Variants in CAPN8 observed in about 807,000 individuals in gnomAD.
CAPN8 encodes the protein calpain 8.
CAPN8 carries 87 observed loss-of-function variants against 80.9 expected under a neutral mutation model. That is an observed-to-expected ratio of 1.07 (90% CI 0.90 to 1.28). The LOEUF is 1.28. CAPN8 is among the 50% of genes most tolerant of loss of function. The pLI, the probability that CAPN8 is intolerant of heterozygous loss-of-function variation, is 0.00. For missense variants in CAPN8, 757 were observed against 702.0 expected (o/e 1.08, Z -0.89); for synonymous variants, 299 against 273.8 (o/e 1.09, Z -0.91).
chr1:223,557,327 C>T (rs36183419), intron 13 of CAPN8, among the ~76,000 whole-genome samples: 101,076 of 151,642 alleles, frequency 0.67, 34,017 homozygotes, highest in Non-Finnish European at 0.72. Flanking sequence ...GCCGAAGATG[C>T]CACGCCCAGC....
At chr1:223,631,253 C>A (rs1434620422) in intron 2 of CAPN8, among the ~76,000 whole-genome samples, 3 of 152,178 alleles carry the variant, frequency 2.0e-5, no homozygotes, top group African/African-American at 7.2e-5. Flanking sequence ...CAGAAGTCAC[C>A]GCTTTTTTGG....
In CAPN8 at chr1:223,654,389, GGACA is replaced by G. The variant is rs1558357355; in HGVS notation, c.244_247del (p.Cys82ProfsTer20). 6.4e-7 allele frequency: 1 copy of G among 1,551,630 alleles called. No individual in the cohort carries two copies. Among genetic ancestry groups the G allele is most frequent in the Non-Finnish European group, 8.7e-7 (1 of 1,146,972 alleles). The stretch of plus-strand genomic sequence containing the variant: ...TCCACCAACGATAAACTGAGGGCTG[GGACA>G]CAACTCCTGAAAGTAATTTGGAACA... On this transcript the variant is annotated frameshift_variant, in exon 2 of 21. Coordinates refer to ENST00000366872, the MANE Select transcript of CAPN8 (RefSeq NM_001143962.2). LOFTEE classifies it high-confidence loss of function.
At chr1:223,657,838 A>C (rs1658540344) in intron 1 of CAPN8, among the ~76,000 whole-genome samples, 2 of 152,142 alleles carry the variant, frequency 1.3e-5, no homozygotes, top group Admixed American at 1.3e-4. Flanking sequence ...CTGAAATCTG[A>C]CTTCTACATC....
chr1:223,611,105 G>A (rs1657019636), intron 11 of CAPN8, among the ~76,000 whole-genome samples: 1 of 152,200 alleles, frequency 6.6e-6, no homozygotes, highest in Non-Finnish European at 1.5e-5. Context: ...GCTCCATTGT[G>A]TGTGCACGTC....
intron 5 of CAPN8, 66 bp from the exon 6 acceptor site, chr1:223,625,954 T>C (rs2102711826): frequency 3.8e-6 from 5 of 1,332,700 alleles, no homozygotes; most frequent in Admixed American, 4.0e-5. Context: ...CGTAGAATGC[T>C]TTCCAAGGAC....
chr1:223,632,233 C>A (rs911946830), intron 2 of CAPN8, among the ~76,000 whole-genome samples: 1 of 152,150 alleles, frequency 6.6e-6, no homozygotes, highest in African/African-American at 2.4e-5. Context: ...GACGAGAATG[C>A]GTTTTCAAAG....
At chr1:223,610,647 G>A (rs1206061668) in intron 11 of CAPN8, among the ~76,000 whole-genome samples, 1 of 152,142 alleles carries the variant, frequency 6.6e-6, no homozygotes, top group Non-Finnish European at 1.5e-5. Flanking sequence ...GGTGGAGCAG[G>A]TTAGAGAAGT....
chr1:223,628,035 A>C lies in CAPN8; in HGVS notation c.534T>G (p.Ser178Arg). Residue 178 changes from serine to arginine, a missense_variant, in exon 4 of 21, where the codon AGT becomes AGG. Ser to Arg is a moderately radical substitution (Grantham distance 110). Coordinates refer to ENST00000366872, the MANE Select transcript of CAPN8 (RefSeq NM_001143962.2). ...LHSEQGNEFWSALLEKAYAKL... is the reference protein window; with the variant it reads ...LHSEQGNEFWRALLEKAYAKL... ...TGGCATAGGCTTTCTCCAGCAGGGC[A>C]CTCCAGAATTCATTGCCTTGTTCCG... 2 of 1,546,234 alleles carry C rather than the reference A, an allele frequency of 1.3e-6. No homozygotes were observed. The highest frequency in any genetic ancestry group is 1.2e-5 in the South Asian group (1 of 83,624).
At chr1:223,554,454 T>C (rs1656862250) in intron 13 of CAPN8, among the ~76,000 whole-genome samples, 1 of 152,022 alleles carries the variant, frequency 6.6e-6, no homozygotes, top group African/African-American at 2.4e-5. Flanking sequence ...ACCCCATTTC[T>C]ACAAAAAATA....
intron 2 of CAPN8, among the ~76,000 whole-genome samples, chr1:223,635,024 A>C (rs1657877418): frequency 1.3e-5 from 2 of 152,252 alleles, no homozygotes; most frequent in African/African-American, 2.4e-5. Context: ...CTCCTCAGCA[A>C]GCTGAGAATA....
chr1:223,541,769 T>C lies in CAPN8; in HGVS notation c.*67A>G. The C allele has an allele frequency of 6.4e-7, 1 of 1,551,022 alleles. No homozygotes were observed. On this transcript the variant is annotated 3_prime_UTR_variant, in exon 21 of 21. Coordinates refer to ENST00000366872, the MANE Select transcript of CAPN8 (RefSeq NM_001143962.2). ...ACTGGAGCATAAATGTTCACAAAAT[T>C]GTAGAGAAGGGGTGACAAGAAGCAA... is the stretch of plus-strand genomic sequence containing the variant.
Position 223,541,725 on chromosome 1 carries a change from T to C in CAPN8, c.*111A>G. The C allele has an allele frequency of 1.3e-6, 2 of 1,520,246 alleles. No individual in the cohort carries two copies. Among genetic ancestry groups the C allele is most frequent in the South Asian group, 2.4e-5 (2 of 83,368 alleles). 94.2% of individuals were successfully genotyped at this position (1,520,246 alleles called of 1,614,324 possible). A position where few individuals can be genotyped will look rare whatever the true frequency, so the allele number is the denominator to read the frequency against. On this transcript the variant is annotated 3_prime_UTR_variant, in exon 21 of 21. Coordinates refer to ENST00000366872, the MANE Select transcript of CAPN8 (RefSeq NM_001143962.2). ...AAATAGACCCAGGGCAAGAAAGGTA[T>C]GAACAACCAGTGAATGCCACTGGAG...
At chr1:223,643,888 C>T (rs1039872825) in intron 2 of CAPN8, among the ~76,000 whole-genome samples, 1 of 152,120 alleles carries the variant, frequency 6.6e-6, no homozygotes, top group African/African-American at 2.4e-5. Context: ...GTCTGTCCAG[C>T]GCGTACAGTA....
chr1:223,625,517 G>C (rs1276728880), intron 6 of CAPN8, among the ~76,000 whole-genome samples: 2 of 152,022 alleles, frequency 1.3e-5, no homozygotes, highest in Non-Finnish European at 2.9e-5. Flanking sequence ...GAATGGTCTT[G>C]AACTCCTGGC....
At chr1:223,637,267 C>T (rs1558350751) in intron 2 of CAPN8, among the ~76,000 whole-genome samples, 1 of 152,176 alleles carries the variant, frequency 6.6e-6, no homozygotes, top group African/African-American at 2.4e-5. Flanking sequence ...GTCTCCAGTG[C>T]CCCCATCCTG....
chr1:223,616,354 G>A (rs952274106), intron 9 of CAPN8, among the ~76,000 whole-genome samples: 30 of 152,138 alleles, frequency 2.0e-4, no homozygotes, highest in Admixed American at 1.8e-3. Context: ...CAGACATATG[G>A]CATCGCATTT....
At chr1:223,629,970 C>T (rs925318719) in intron 2 of CAPN8, among the ~76,000 whole-genome samples, 2 of 152,174 alleles carry the variant, frequency 1.3e-5, no homozygotes, top group Non-Finnish European at 2.9e-5. Flanking sequence ...CTTTTAGAGA[C>T]CATCTGTGGA....
chr1:223,629,232 T>TGTGTGTGTGTGTGTGTGTGTATG (rs68132305), intron 2 of CAPN8, among the ~76,000 whole-genome samples: 3 of 132,528 alleles, frequency 2.3e-5, no homozygotes, highest in Admixed American at 2.2e-4. Flanking sequence ...GTGTGTGTGT[T>TGTGTGTGTGTGTGTGTGTGTATG]TATGTTCCTT....
In CAPN8 at chr1:223,544,156, T is replaced by C; in HGVS notation, c.1940A>G (p.Gln647Arg). 1.4e-6 allele frequency: 1 copy of C among 718,270 alleles called. No homozygotes were observed. The allele number at this position is 718,270 out of a possible 1,614,324, so 44.5% of individuals were successfully genotyped here. Residue 647 changes from glutamine to arginine, a missense_variant, in exon 19 of 21, where the codon CAG (glutamine) becomes CGG (arginine). By Grantham distance (43) the Gln-to-Arg change is conservative. Transcript: ENST00000366872. ...AGFTLNSQVQ[Q>R]TIALRYACSK... ...GCACGCATACCGCAGGGCAATGGTCTGCTGCACCTGGCTGTTGAGGGTGAA... is the reference window on the plus strand; with the variant it reads ...GCACGCATACCGCAGGGCAATGGTCCGCTGCACCTGGCTGTTGAGGGTGAA...
Sources: allele counts gnomAD v4.1 joint callset (sites outside exome capture counted in the v4.1 genomes callset), GRCh38; gene constraint gnomAD v4.1.1; transcripts MANE v1.5; gene names NCBI Gene and HGNC (gene_info 2026-07-23, HGNC 2026-07-21).